Variants in ETV6 observed in about 807,000 individuals in gnomAD.
ETV6 encodes the protein ETS variant transcription factor 6.
In ETV6, 16 loss-of-function variants were observed where a neutral mutation model predicts 51.1. The ratio of observed to expected loss-of-function variants is 0.31; its 90% CI spans 0.21 to 0.48. ETV6 has a LOEUF of 0.48. Ranked by LOEUF, ETV6 falls within the 20% of genes least tolerant of loss-of-function variation. The pLI is 0.99. For missense variants in ETV6, 458 were observed against 594.8 expected (o/e 0.77, Z 2.39); for synonymous variants, 240 against 224.1 (o/e 1.07, Z -0.64).
intron 5 of ETV6, among the ~76,000 whole-genome samples, chr12:11,871,164 A>G (rs1946875004): frequency 6.6e-6 from 1 of 150,624 alleles, no homozygotes; most frequent in Non-Finnish European, 1.5e-5. Flanking sequence ...GGCTCCTACA[A>G]GCCTACTTTA....
At chr12:11,660,370 C>T (rs1164935293) in intron 1 of ETV6, among the ~76,000 whole-genome samples, 1 of 151,432 alleles carries the variant, frequency 6.6e-6, no homozygotes, top group Non-Finnish European at 1.5e-5. Context: ...TTTGGGAGGC[C>T]GAGGCGGGTG....
chr12:11,791,989 C>G (rs1217045559), intron 2 of ETV6, among the ~76,000 whole-genome samples: 1 of 152,162 alleles, frequency 6.6e-6, no homozygotes, highest in Non-Finnish European at 1.5e-5. Context: ...GAGGGTCGTA[C>G]ACATCACTGA....
intron 2 of ETV6, among the ~76,000 whole-genome samples, chr12:11,812,512 G>T (rs1016346097): frequency 6.6e-6 from 1 of 152,092 alleles, no homozygotes; most frequent in African/African-American, 2.4e-5. Flanking sequence ...CTCTCACTCC[G>T]ACACTTTTGG....
intron 1 of ETV6, among the ~76,000 whole-genome samples, chr12:11,650,593 A>C (rs961784664): frequency 2.0e-5 from 3 of 151,526 alleles, no homozygotes; most frequent in African/African-American, 7.3e-5. Flanking sequence ...TTAGAAAAAA[A>C]GTTGTTCAGT....
intron 1 of ETV6, among the ~76,000 whole-genome samples, chr12:11,653,046 TG>T (rs573214056): frequency 2.0e-5 from 3 of 151,820 alleles, no homozygotes; most frequent in South Asian, 2.1e-4. Context: ...CGAGCACTCC[TG>T]GGGGGGTCTG....
At chr12:11,699,194 A>G (rs958616837) in intron 1 of ETV6, among the ~76,000 whole-genome samples, 4 of 152,130 alleles carry the variant, frequency 2.6e-5, no homozygotes, top group Admixed American at 6.5e-5. Context: ...AGGCTTTCTC[A>G]TTTTTCTGAA....
At chr12:11,777,108 C>T (rs952982914) in intron 2 of ETV6, among the ~76,000 whole-genome samples, 1 of 151,934 alleles carries the variant, frequency 6.6e-6, no homozygotes, top group Non-Finnish European at 1.5e-5. Flanking sequence ...GGCGTGGTGG[C>T]AGGTGCCTGT....
At chr12:11,693,786 A>C (rs1864817823) in intron 1 of ETV6, among the ~76,000 whole-genome samples, 1 of 152,198 alleles carries the variant, frequency 6.6e-6, no homozygotes, top group African/African-American at 2.4e-5. Context: ...CACTGGGGGA[A>C]GCTGCAGGGA....
At chr12:11,700,112 T>G (rs1283720624) in intron 1 of ETV6, among the ~76,000 whole-genome samples, 1 of 152,178 alleles carries the variant, frequency 6.6e-6, no homozygotes, top group African/African-American at 2.4e-5. Context: ...CCTGGAACAT[T>G]GGAGGTACAC....
At chr12:11,877,528 G>A (rs1414716720) in intron 5 of ETV6, among the ~76,000 whole-genome samples, 1 of 152,152 alleles carries the variant, frequency 6.6e-6, no homozygotes, top group Non-Finnish European at 1.5e-5. Context: ...ATAGGGTTGT[G>A]GGATGTCCCC....
intron 5 of ETV6, among the ~76,000 whole-genome samples, chr12:11,879,149 T>G (rs933049668): frequency 6.6e-6 from 1 of 152,206 alleles, no homozygotes; most frequent in Admixed American, 6.5e-5. Flanking sequence ...AAATAAACGT[T>G]AATTTTTAGG....
intron 2 of ETV6, among the ~76,000 whole-genome samples, chr12:11,820,949 G>T (rs191559982): frequency 6.6e-6 from 1 of 152,328 alleles, no homozygotes; most frequent in East Asian, 1.9e-4. Context: ...ATCCAGGCAA[G>T]AGAGGATGGT....
rs759940036 is a variant in ETV6 at position 11,869,904 on chromosome 12, T to C, written c.944T>C (p.Met315Thr). The C allele has an allele frequency of 1.9e-6, 3 of 1,612,446 alleles. No homozygotes were observed. Among genetic ancestry groups the C allele is most frequent in the South Asian group, 2.2e-5 (2 of 91,080 alleles). ...TCTCATCGGGAAGACCTGGCTTACA[T>C]GAACCACATCATGGTCTCTGTCTCC... ...NLSHREDLAY[M>T]NHIMVSVSPP... Residue 315 changes from methionine to threonine, a missense_variant, in exon 5 of 8, where the codon ATG becomes ACG. Met to Thr is a moderately conservative substitution (Grantham distance 81, BLOSUM62 -1). Coordinates refer to ENST00000396373, the MANE Select transcript of ETV6 (RefSeq NM_001987.5). The surrounding 1 kb of genome is among the most constrained non-coding windows in gnomAD (Gnocchi z 5.0).
At chr12:11,838,822 C>T (rs756452364) in intron 2 of ETV6, among the ~76,000 whole-genome samples, 3 of 152,210 alleles carry the variant, frequency 2.0e-5, no homozygotes, top group South Asian at 2.1e-4. Flanking sequence ...CTAAGACCTA[C>T]CATCCCTTAA....
chr12:11,813,759 T>C (rs1032638619), intron 2 of ETV6, among the ~76,000 whole-genome samples: 27 of 152,254 alleles, frequency 1.8e-4, no homozygotes, highest in African/African-American at 6.3e-4. Flanking sequence ...CAGAGTTGCA[T>C]ATTGTTCCTT....
chr12:11,888,011 G>A (rs2239174), intron 7 of ETV6, among the ~76,000 whole-genome samples: 92,423 of 152,034 alleles, frequency 0.61, 28,253 homozygotes, highest in South Asian at 0.77. Context: ...GAGTCTTTCA[G>A]TGACAAGCAG....
intron 5 of ETV6, among the ~76,000 whole-genome samples, chr12:11,872,085 G>C (rs755023981): frequency 1.4e-4 from 21 of 152,198 alleles, no homozygotes; most frequent in Non-Finnish European, 3.1e-4. Context: ...ACATTTTGCA[G>C]ATACCTTTTG....
chr12:11,849,186 C>G lies in ETV6; in HGVS notation c.329-4241C>G, dbSNP rs1946509808. ...AGTGCAGTGATGTGATCACAGCTCA[C>G]TGCAGCCTCGACCTCCTGGGCTCAA... On this transcript the variant is annotated intron_variant, in intron 3 of 7. Transcript: ENST00000396373. Among the ~76,000 whole-genome samples the G allele has an allele frequency of 3.3e-5, 5 of 152,164 alleles. No homozygotes were observed. In the South Asian group the frequency reaches 1.0e-3, roughly 32 times the overall value.
At chr12:11,782,687 A>C (rs1452922313) in intron 2 of ETV6, among the ~76,000 whole-genome samples, 1 of 151,940 alleles carries the variant, frequency 6.6e-6, no homozygotes, top group African/African-American at 2.4e-5. Flanking sequence ...AGAGTGAGAC[A>C]CTCTTGCTTG....
Sources: gnomAD v4.1 joint callset for allele counts (sites outside exome capture counted in the v4.1 genomes callset) on GRCh38, gnomAD v4.1.1 for gene constraint, Gnocchi (gnomAD v3.1) non-coding constraint, MANE v1.5 for transcripts, NCBI Gene and HGNC (gene_info 2026-07-23, HGNC 2026-07-21) for gene names.